Variants in MNAT1 observed in about 807,000 individuals in gnomAD.
MNAT1 encodes the protein MNAT1 component of CDK activating kinase, also known as CDK-activating kinase assembly factor MAT1.
MNAT1 carries 43 observed loss-of-function variants against 42.0 expected under a neutral mutation model. The observed-to-expected ratio is 1.02, with a 90% CI of 0.80 to 1.32. The LOEUF is 1.32. Among genes scored for constraint, MNAT1 ranks in the 40% most tolerant of loss-of-function variants. MNAT1 has a pLI of 0.00. For synonymous variants in MNAT1, 118 were observed against 120.0 expected (o/e 0.98, Z 0.11); for missense variants, 306 against 350.4 (o/e 0.87, Z 1.01).
chr14:60,926,866 T>G (rs994295729), intron 7 of MNAT1, among the ~76,000 whole-genome samples: 2 of 152,142 alleles, frequency 1.3e-5, no homozygotes, highest in African/African-American at 2.4e-5. Context: ...GTTCCCCTTG[T>G]GAACCAACCC....
intron 7 of MNAT1, among the ~76,000 whole-genome samples, chr14:60,889,596 CA>C (rs2034782480): frequency 6.6e-6 from 1 of 152,122 alleles, no homozygotes; most frequent in Non-Finnish European, 1.5e-5. Context: ...CCAAAATTGA[CA>C]AATGGGATCT....
intron 1 of MNAT1, among the ~76,000 whole-genome samples, chr14:60,751,985 T>A (rs2140293305): frequency 6.6e-6 from 1 of 152,354 alleles, no homozygotes; most frequent in South Asian, 2.1e-4. Flanking sequence ...CTGGTTTACT[T>A]ATAAACAATT....
At chr14:60,877,255 C>T (rs996532102) in intron 6 of MNAT1, among the ~76,000 whole-genome samples, 1 of 151,954 alleles carries the variant, frequency 6.6e-6, no homozygotes. Context: ...GTGGTGAAAT[C>T]TCTGTTCAAA....
intron 3 of MNAT1, among the ~76,000 whole-genome samples, chr14:60,803,525 A>G (rs1191781258): frequency 1.3e-5 from 2 of 152,190 alleles, no homozygotes; most frequent in Non-Finnish European, 2.9e-5. Context: ...GAATGGAGCC[A>G]AATTGTAAAT....
intron 7 of MNAT1, among the ~76,000 whole-genome samples, chr14:60,908,452 C>G (rs1038409542): frequency 6.6e-6 from 1 of 152,076 alleles, no homozygotes; most frequent in Non-Finnish European, 1.5e-5. Context: ...GGTATATCTT[C>G]TAATGCTATC....
chr14:60,752,112 C>T (rs2030119973), intron 1 of MNAT1, among the ~76,000 whole-genome samples: 1 of 151,986 alleles, frequency 6.6e-6, no homozygotes, highest in South Asian at 2.1e-4. Flanking sequence ...AAAAAATCAT[C>T]ATATTTTGGT....
chr14:60,759,253 A>G (rs1420871197), intron 1 of MNAT1, among the ~76,000 whole-genome samples: 1 of 152,202 alleles, frequency 6.6e-6, no homozygotes, highest in Non-Finnish European at 1.5e-5. Flanking sequence ...CTTATCATGT[A>G]AAGATTTTTC....
intron 6 of MNAT1, among the ~76,000 whole-genome samples, chr14:60,860,761 T>C (rs2034078500): frequency 6.6e-6 from 1 of 152,266 alleles, no homozygotes; most frequent in African/African-American, 2.4e-5. Context: ...GCACATTTAA[T>C]ATGGGGAGTC....
chr14:60,812,002 G>T lies in MNAT1; in HGVS notation c.436G>T (p.Glu146Ter), dbSNP rs751361028. ...TTTGTTTTAGACTCGAGAACAGGAAGAACTGGAAGAAGCTTTAGAAGTGGA... is the reference window on the plus strand; with the variant it reads ...TTTGTTTTAGACTCGAGAACAGGAATAACTGGAAGAAGCTTTAGAAGTGGA... ...NKLKLTREQE[E>*]LEEALEVERQ... The change falls in exon 5 of 8, where the codon GAA becomes TAA. Residue 146 changes from glutamate (E) to a stop codon, truncating the protein, a stop_gained. Coordinates refer to ENST00000261245, the MANE Select transcript of MNAT1 (RefSeq NM_002431.4). LOFTEE classifies it high-confidence loss of function. 1.9e-6 allele frequency: 3 copies of T among 1,587,442 alleles called. No individual in the cohort carries two copies. The African/African-American group carries it at 4.1e-5, about 22-fold the overall frequency.
chr14:60,846,959 G>A (rs1467150413), intron 6 of MNAT1, among the ~76,000 whole-genome samples: 1 of 152,062 alleles, frequency 6.6e-6, no homozygotes, highest in Non-Finnish European at 1.5e-5. Context: ...TATTATTGTT[G>A]AATTGTTTAT....
chr14:60,797,978 A>G (rs767151860), intron 2 of MNAT1, 109 bp from the exon 3 acceptor site: 27 of 576,350 alleles, frequency 4.7e-5, no homozygotes, highest in Non-Finnish European at 7.3e-5. Context: ...ACAGTAAGCA[A>G]TTCTTTTCCA....
At chr14:60,956,844 G>A (rs995132170) in intron 7 of MNAT1, among the ~76,000 whole-genome samples, 1 of 152,042 alleles carries the variant, frequency 6.6e-6, no homozygotes, top group Admixed American at 6.5e-5. Context: ...CCATTTACAT[G>A]GAGTATCTTC....
At chr14:60,788,611 T>C (rs1292514812) in intron 1 of MNAT1, among the ~76,000 whole-genome samples, 2 of 152,198 alleles carry the variant, frequency 1.3e-5, no homozygotes, top group African/African-American at 4.8e-5. Flanking sequence ...TGTAGCCACC[T>C]TCATCATTAT....
At chr14:60,793,355 A>C (rs1594757454) in intron 1 of MNAT1, among the ~76,000 whole-genome samples, 1 of 151,122 alleles carries the variant, frequency 6.6e-6, no homozygotes, top group African/African-American at 2.4e-5. Context: ...TTTTCCTGTT[A>C]TTTTATTTAT....
chr14:60,860,269 A>G (rs2034063498), intron 6 of MNAT1, among the ~76,000 whole-genome samples: 1 of 151,578 alleles, frequency 6.6e-6, no homozygotes, highest in Non-Finnish European at 1.5e-5. Context: ...AGTGGGTAGC[A>G]TTTTGTAGAC....
At chr14:60,946,684 C>G (rs945253099) in intron 7 of MNAT1, among the ~76,000 whole-genome samples, 2 of 152,128 alleles carry the variant, frequency 1.3e-5, no homozygotes, top group Non-Finnish European at 2.9e-5. Context: ...CTTTTTTAGG[C>G]ACTTCTTGTA....
chr14:60,932,521 G>A (rs578063244), intron 7 of MNAT1, among the ~76,000 whole-genome samples: 4 of 151,934 alleles, frequency 2.6e-5, no homozygotes, highest in Admixed American at 2.6e-4. Context: ...GTCTTACGTG[G>A]AGTGTGCAGG....
chr14:60,749,436 T>C (rs959891255), intron 1 of MNAT1, among the ~76,000 whole-genome samples: 16 of 152,222 alleles, frequency 1.1e-4, no homozygotes, highest in Non-Finnish European at 2.9e-5. Flanking sequence ...AAAAATATTA[T>C]GTCTAACAAA....
intron 7 of MNAT1, among the ~76,000 whole-genome samples, chr14:60,930,741 TAAG>T (rs1267182711): frequency 6.6e-6 from 1 of 152,140 alleles, no homozygotes; most frequent in African/African-American, 2.4e-5. Flanking sequence ...GAGGGAAATG[TAAG>T]TAGTTCAGTC....
Sources: gnomAD v4.1 joint callset for allele counts (sites outside exome capture counted in the v4.1 genomes callset) on GRCh38, gnomAD v4.1.1 for gene constraint, MANE v1.5 for transcripts, NCBI Gene and HGNC (gene_info 2026-07-23, HGNC 2026-07-21) for gene names.